The following PTCSC3 variants were observed in gnomAD, a reference collection of about 807,000 sequenced individuals.
PTCSC3 encodes the protein papillary thyroid carcinoma susceptibility candidate 3 (non-protein coding).
chr14:36,149,220 T>C (rs180716031), intron 3 of PTCSC3, among the ~76,000 whole-genome samples: 104 of 152,330 alleles, frequency 6.8e-4, no homozygotes, highest in Non-Finnish European at 1.2e-3. Flanking sequence ...TTTTTTAATT[T>C]TCTTGAAACT....
At chr14:36,144,382 A>C (rs1193263241) in intron 3 of PTCSC3, among the ~76,000 whole-genome samples, 2 of 140,544 alleles carry the variant, frequency 1.4e-5, no homozygotes, top group African/African-American at 5.3e-5. Context: ...CACATCCCTT[A>C]TAAGTTGGAT....
At chr14:36,174,086 C>T (rs1167436575) in intron 1 of PTCSC3, among the ~76,000 whole-genome samples, 4 of 151,922 alleles carry the variant, frequency 2.6e-5, no homozygotes, top group Non-Finnish European at 4.4e-5. Flanking sequence ...GTATGTGTCC[C>T]GTGTGGGTTC....
At chr14:36,172,508 G>T (rs757890742) in intron 1 of PTCSC3, among the ~76,000 whole-genome samples, 34 of 152,182 alleles carry the variant, frequency 2.2e-4, no homozygotes, top group Non-Finnish European at 3.7e-4. Flanking sequence ...GAAATTTATA[G>T]AAAATTATAG....
chr14:36,161,651 G>C (rs1881958768), intron 2 of PTCSC3, among the ~76,000 whole-genome samples: 1 of 152,210 alleles, frequency 6.6e-6, no homozygotes, highest in African/African-American at 2.4e-5. Flanking sequence ...TGTATGAAGT[G>C]TCTGTCCACC....
chr14:36,160,937 T>C (rs1421194622), intron 2 of PTCSC3, among the ~76,000 whole-genome samples: 1 of 152,210 alleles, frequency 6.6e-6, no homozygotes, highest in South Asian at 2.1e-4. Flanking sequence ...TATTCTTTTT[T>C]CTTTAATTTT....
At chr14:36,166,898 A>T (rs1229840660) in intron 1 of PTCSC3, among the ~76,000 whole-genome samples, 5 of 152,212 alleles carry the variant, frequency 3.3e-5, no homozygotes. Context: ...AGTTCTCCTA[A>T]TAGAGTTCTT....
chr14:36,153,204 C>G (rs1252160733), intron 3 of PTCSC3, among the ~76,000 whole-genome samples: 1 of 152,214 alleles, frequency 6.6e-6, no homozygotes, highest in African/African-American at 2.4e-5. Context: ...TATAAAGGCA[C>G]TAACCCCATT....
At chr14:36,141,082 A>G (rs1456062996) in intron 3 of PTCSC3, among the ~76,000 whole-genome samples, 1 of 152,146 alleles carries the variant, frequency 6.6e-6, no homozygotes, top group Non-Finnish European at 1.5e-5. Flanking sequence ...TTTGTTCATA[A>G]GTGTAAATCA....
intron 2 of PTCSC3, among the ~76,000 whole-genome samples, chr14:36,156,948 C>T (rs538225317): frequency 1.3e-5 from 2 of 152,274 alleles, no homozygotes; most frequent in South Asian, 4.1e-4. Context: ...ATTGCTGGGT[C>T]AAATGGTATT....
At chr14:36,147,418 T>C (rs1167473174) in intron 3 of PTCSC3, among the ~76,000 whole-genome samples, 1 of 152,196 alleles carries the variant, frequency 6.6e-6, no homozygotes, top group Non-Finnish European at 1.5e-5. Context: ...TCATTTCATC[T>C]TCCATTGCTG....
chr14:36,162,258 G>GAAAAAAAAAAAAAAAAAAAAAAAAA (rs58223160), intron 2 of PTCSC3, among the ~76,000 whole-genome samples: 4 of 106,554 alleles, frequency 3.8e-5, no homozygotes, highest in African/African-American at 1.9e-4. Flanking sequence ...CTGGGGTATG[G>GAAAAAAAAAAAAAAAAAAAAAAAAA]AAAAAAAAAA....
intron 1 of PTCSC3, among the ~76,000 whole-genome samples, chr14:36,167,085 G>T (rs935019509): frequency 6.6e-6 from 1 of 152,144 alleles, no homozygotes; most frequent in African/African-American, 2.4e-5. Context: ...GGCCGAGAAG[G>T]TCAACTTTCT....
chr14:36,170,899 T>C (rs1461649039), intron 1 of PTCSC3, among the ~76,000 whole-genome samples: 1 of 152,170 alleles, frequency 6.6e-6, no homozygotes, highest in African/African-American at 2.4e-5. Flanking sequence ...TGAGGCTATG[T>C]AGATACATTT....
chr14:36,168,217 T>C (rs1204953677), intron 1 of PTCSC3, among the ~76,000 whole-genome samples: 1 of 152,046 alleles, frequency 6.6e-6, no homozygotes, highest in Non-Finnish European at 1.5e-5. Flanking sequence ...GTGTGTTGTC[T>C]GTGTTCTAGA....
At chr14:36,155,267 G>C (rs757551182) in intron 2 of PTCSC3, among the ~76,000 whole-genome samples, 4 of 152,050 alleles carry the variant, frequency 2.6e-5, no homozygotes, top group Admixed American at 6.6e-5. Context: ...ATGTAAATCA[G>C]GGAAAAGAAA....
At chr14:36,159,391 TA>T (rs1231601615) in intron 2 of PTCSC3, among the ~76,000 whole-genome samples, 10 of 151,298 alleles carry the variant, frequency 6.6e-5, no homozygotes, top group African/African-American at 9.7e-5. Flanking sequence ...TTTAGTGCTA[TA>T]AATTTCCCTC....
At chr14:36,162,412 A>G (rs1881983988) in intron 2 of PTCSC3, among the ~76,000 whole-genome samples, 1 of 152,126 alleles carries the variant, frequency 6.6e-6, no homozygotes, top group Non-Finnish European at 1.5e-5. Flanking sequence ...ATGGAAAAGC[A>G]TAGTATCTGG....
intron 3 of PTCSC3, among the ~76,000 whole-genome samples, chr14:36,151,115 TA>T (rs1228000242): frequency 6.6e-6 from 1 of 152,190 alleles, no homozygotes; most frequent in African/African-American, 2.4e-5. Flanking sequence ...AAAGCCTTTA[TA>T]ATTTTTTCAC....
At chr14:36,148,731 C>G (rs977093797) in intron 3 of PTCSC3, among the ~76,000 whole-genome samples, 1 of 152,170 alleles carries the variant, frequency 6.6e-6, no homozygotes, top group Non-Finnish European at 1.5e-5. Flanking sequence ...TTCAGATGGT[C>G]TATTTCTCCT....
Sources: gnomAD v4.1 joint callset for allele counts (sites outside exome capture counted in the v4.1 genomes callset) on GRCh38, gnomAD v4.1.1 for gene constraint, MANE v1.5 for transcripts, NCBI Gene and HGNC (gene_info 2026-07-23, HGNC 2026-07-21) for gene names.